Variants in F5 observed in about 807,000 individuals in gnomAD.
F5 encodes coagulation factor V.
In F5, 138 loss-of-function variants were observed where a neutral mutation model predicts 216.4. The ratio of observed to expected loss-of-function variants is 0.64; its 90% CI spans 0.56 to 0.73. The LOEUF (loss-of-function observed/expected upper bound fraction) is 0.73, where lower values mean the gene tolerates loss of function less well. F5 is among the 30% of genes least tolerant of loss of function. The probability of loss-of-function intolerance (pLI) is 0.00; values close to 1 mark genes in which losing one functional copy is unlikely to be tolerated. For synonymous variants in F5, 916 were observed against 930.7 expected (o/e 0.98, Z 0.29); for missense variants, 2,403 against 2,674.0 (o/e 0.90, Z 2.24).
Position 169,541,779 on chromosome 1 carries a change from G to T in F5, c.3311C>A (p.Ser1104Tyr), listed in dbSNP as rs188882337. 3.6e-5 allele frequency: 58 copies of T among 1,614,062 alleles called. No individual in the cohort carries two copies. In the East Asian group the frequency reaches 4.9e-4, roughly 14 times the overall value. Residue 1104 changes from serine to tyrosine, a missense_variant, in exon 13 of 25, where the codon TCC becomes TAC. Ser to Tyr is a moderately radical substitution (Grantham distance 144). Transcript: ENST00000367797. ...GCTTGCCTGACCAGTGTCATTTGAG[G>T]AATTCTGATTATGGTCAGGAAGTGA... ...IASLPDHNQN[S>Y]SNDTGQASCP...
At chr1:169,553,235 G>A (rs796210272) in intron 7 of F5, among the ~76,000 whole-genome samples, 12 of 152,326 alleles carry the variant, frequency 7.9e-5, no homozygotes, top group African/African-American at 2.9e-4. Context: ...TGAGCTGACT[G>A]AAAAGCAACC....
At chr1:169,574,238 C>T (rs1660791642) in intron 2 of F5, among the ~76,000 whole-genome samples, 1 of 151,380 alleles carries the variant, frequency 6.6e-6, no homozygotes, top group Non-Finnish European at 1.5e-5. Flanking sequence ...ACTAGAATTT[C>T]CAAAGTGTAG....
chr1:169,567,814 G>C (rs1042458693), intron 3 of F5, among the ~76,000 whole-genome samples: 2 of 152,008 alleles, frequency 1.3e-5, no homozygotes, highest in African/African-American at 4.8e-5. Context: ...TTAACTCTAG[G>C]GTACATGTTG....
At position 169,528,390 on chromosome 1, in the gene F5, G is replaced by C. The variant is rs76904241; in HGVS notation, c.5420-296C>G. Among the ~76,000 whole-genome samples, 1,031 of 152,260 alleles carry C rather than the reference G, an allele frequency of 6.8e-3. 9 individuals are homozygous for C. Among genetic ancestry groups the C allele is most frequent in the African/African-American group, 0.024 (989 of 41,538 alleles). On this transcript the variant is annotated intron_variant, in intron 16 of 24. Coordinates refer to ENST00000367797, the MANE Select transcript of F5 (RefSeq NM_000130.5). ...TTTTACAGTTCCGTGCTTTACCCGT[G>C]TATACTTTCCATTAACAGTCTTAAT...
chr1:169,520,244 G>A (rs917680682), intron 22 of F5, among the ~76,000 whole-genome samples: 3 of 152,132 alleles, frequency 2.0e-5, no homozygotes, highest in African/African-American at 4.8e-5. Context: ...GCTGATGGAG[G>A]TAATTCCAAA....
At chr1:169,540,089 G>A (rs1402089093) in intron 13 of F5, among the ~76,000 whole-genome samples, 1 of 152,132 alleles carries the variant, frequency 6.6e-6, no homozygotes, top group South Asian at 2.1e-4. Context: ...TTCTCACAGT[G>A]ATTGTTCTTA....
At chr1:169,528,178 C>G in intron 16 of F5, 84 bp from the exon 17 acceptor site, 1 of 1,522,658 alleles carries the variant, frequency 6.6e-7, no homozygotes, top group Non-Finnish European at 9.0e-7. Flanking sequence ...GCAACCCACT[C>G]AACACCCATG....
chr1:169,527,832 C>A lies in F5; in HGVS notation c.5599+83G>T, dbSNP rs936151898. ...TCTGACCCCTTAGGAAGTATATGCA[C>A]AAGGAAGAAATGAGAAGGAGTTACA... On this transcript the variant is annotated intron_variant, in intron 17 of 24. Transcript: ENST00000367797. The A allele has an allele frequency of 5.8e-6, 9 of 1,543,196 alleles. No homozygotes were observed. In the Middle Eastern group the frequency reaches 9.2e-4, roughly 157 times the overall value.
chr1:169,542,619 G>A lies in F5; in HGVS notation c.2471C>T (p.Thr824Ile), dbSNP rs754885577. Reference protein sequence around the residue: ...IGKNSVLNSSTAEHSSPYSED... With the variant: ...IGKNSVLNSSIAEHSSPYSED... The stretch of plus-strand genomic sequence containing the variant: ...AGAATATGGGCTGGAATGCTCTGCT[G>A]TGGAAGAATTGAGAACTGAGTTCTT... The change falls in exon 13 of 25, where the codon ACA (threonine) becomes ATA (isoleucine). Residue 824 changes from threonine to isoleucine, a missense_variant. By Grantham distance (89) the Thr-to-Ile change is moderately conservative (BLOSUM62 -1). Coordinates refer to ENST00000367797, the MANE Select transcript of F5 (RefSeq NM_000130.5). The A allele has an allele frequency of 1.9e-6, 3 of 1,614,136 alleles. No individual in the cohort carries two copies. Among genetic ancestry groups the A allele is most frequent in the East Asian group, 4.5e-5 (2 of 44,884 alleles).
At chr1:169,572,952 CT>C (rs373033360) in intron 2 of F5, among the ~76,000 whole-genome samples, 49 of 89,466 alleles carry the variant, frequency 5.5e-4, no homozygotes, top group East Asian at 3.2e-3. Context: ...GAGCATTTTT[CT>C]TTTTTTTTTT....
At chr1:169,565,882 A>G (rs762982614) in intron 3 of F5, among the ~76,000 whole-genome samples, 1 of 152,118 alleles carries the variant, frequency 6.6e-6, no homozygotes, top group East Asian at 1.9e-4. Flanking sequence ...TATTTACTCT[A>G]GGCTGTACTT....
intron 13 of F5, among the ~76,000 whole-genome samples, chr1:169,538,330 C>T (rs987620976): frequency 1.3e-5 from 2 of 151,980 alleles, no homozygotes; most frequent in Admixed American, 1.3e-4. Flanking sequence ...CAAAGGGATA[C>T]AGAGGTGGAG....
chr1:169,549,978 C>G lies in F5; in HGVS notation c.1434G>C (p.Gly478=), dbSNP rs1660122485. The stretch of plus-strand genomic sequence containing the variant: ...TGTTCCACTTATAAGTATAGGTTTC[C>G]CCTGGTTGAACTGCTCTGATCATGG... The part of the protein sequence containing the change: ...NNTMIRAVQP[G]ETYTYKWNIL... Residue 478 remains glycine, a synonymous_variant, in exon 10 of 25, where the codon GGG becomes GGC. Transcript: ENST00000367797. 2 of 1,614,046 alleles carry G rather than the reference C, an allele frequency of 1.2e-6. No homozygotes were observed. The highest frequency in any genetic ancestry group is 1.7e-6 in the Non-Finnish European group (2 of 1,180,000).
At chr1:169,576,290 T>C (rs1041712986) in intron 2 of F5, among the ~76,000 whole-genome samples, 1 of 152,238 alleles carries the variant, frequency 6.6e-6, no homozygotes, top group African/African-American at 2.4e-5. Context: ...AGGTCCTATC[T>C]TTCCCTACCC....
chr1:169,562,038 T>C (rs1380040291), intron 3 of F5, among the ~76,000 whole-genome samples: 1 of 151,938 alleles, frequency 6.6e-6, no homozygotes, highest in Non-Finnish European at 1.5e-5. Flanking sequence ...ATTATCCTCA[T>C]TGAGGTATAA....
At chr1:169,539,507 A>C (rs182627295) in intron 13 of F5, among the ~76,000 whole-genome samples, 1 of 152,282 alleles carries the variant, frequency 6.6e-6, no homozygotes, top group Admixed American at 6.5e-5. Context: ...TTTAAATAGG[A>C]AGTCATAGGA....
In F5 at chr1:169,536,535, T is replaced by C. The variant is rs749425147; in HGVS notation, c.4942A>G (p.Ile1648Val). Residue 1648 changes from isoleucine to valine, a missense_variant, in exon 14 of 25, where the codon ATC (isoleucine) becomes GTC (valine). Ile to Val is a conservative substitution (Grantham distance 29). This residue lies in a region of F5 where 659 missense variants were observed against 787.9 expected (regional missense o/e 0.84). Coordinates refer to ENST00000367797, the MANE Select transcript of F5 (RefSeq NM_000130.5). Reference protein sequence around the residue: ...EEHLGILGPIIRAEVDDVIQV... With the variant: ...EEHLGILGPIVRAEVDDVIQV... ...ATAACATCATCCACTTCAGCTCTGATAATAGGACCAAGAATTCCGAGATGC... is the reference window on the plus strand; with the variant it reads ...ATAACATCATCCACTTCAGCTCTGACAATAGGACCAAGAATTCCGAGATGC... 1.9e-6 allele frequency: 3 copies of C among 1,613,528 alleles called. No homozygotes were observed. The highest frequency in any genetic ancestry group is 2.5e-6 in the Non-Finnish European group (3 of 1,179,552).
chr1:169,565,751 C>G (rs1333016503), intron 3 of F5, among the ~76,000 whole-genome samples: 1 of 152,066 alleles, frequency 6.6e-6, no homozygotes, highest in African/African-American at 2.4e-5. Context: ...ATTTTGTTCA[C>G]TGAACTACTT....
At chr1:169,527,867 T>C in intron 17 of F5, 48 bp downstream of exon 17, 1 of 1,603,578 alleles carries the variant, frequency 6.2e-7, no homozygotes, top group East Asian at 2.2e-5. Context: ...AGATTGCCTT[T>C]TCCCTGTATT....
Sources: allele counts gnomAD v4.1 joint callset (sites outside exome capture counted in the v4.1 genomes callset), GRCh38; gene constraint gnomAD v4.1.1; regional missense constraint gnomAD v4.1.1; transcripts MANE v1.5; gene names NCBI Gene and HGNC (gene_info 2026-07-23, HGNC 2026-07-21).